NMBR: variants seen among roughly 807,000 people sequenced by gnomAD.
The protein encoded by NMBR is neuromedin B receptor, also known as neuromedin-B receptor.
NMBR carries 16 observed loss-of-function variants against 20.5 expected under a neutral mutation model. The observed-to-expected ratio is 0.78, with a 90% CI of 0.53 to 1.19. NMBR has a LOEUF of 1.19. Among genes scored for constraint, NMBR ranks in the 50% most tolerant of loss-of-function variants. The pLI is 0.00. For missense variants in NMBR, 582 were observed against 499.1 expected, an observed-to-expected ratio of 1.17 and a Z score of -1.58; for synonymous variants, 212 against 196.6, an observed-to-expected ratio of 1.08 and a Z score of -0.65.
chr6:142,097,317 T>C (rs1777474066), intron 1 of NMBR, among the ~76,000 whole-genome samples: 1 of 152,186 alleles, frequency 6.6e-6, no homozygotes, highest in Non-Finnish European at 1.5e-5. Flanking sequence ...GTACCAGTTG[T>C]TCCTTTCCAT....
In NMBR at chr6:142,076,845, G is replaced by A. The variant is rs992421995; in HGVS notation, c.772-796C>T. Among the ~76,000 whole-genome samples the A allele has an allele frequency of 2.0e-5, 3 of 152,122 alleles. No individual in the cohort carries two copies. The South Asian group carries it at 6.2e-4, about 32-fold the overall frequency. ...GACATGGAATACCAATTTATTGAAA[G>A]ACATTGGTAGTAGGTATCATAATAT... On this transcript the variant is annotated intron_variant, in intron 3 of 3. Coordinates refer to ENST00000258042, the MANE Select transcript of NMBR (RefSeq NM_002511.4).
chr6:142,081,113 T>G (rs1190776621), intron 2 of NMBR, among the ~76,000 whole-genome samples: 1 of 152,172 alleles, frequency 6.6e-6, no homozygotes, highest in African/African-American at 2.4e-5. Context: ...TAGATAGATC[T>G]TCTTGCTGTT....
At chr6:142,098,473 T>C (rs184381032) in intron 1 of NMBR, among the ~76,000 whole-genome samples, 39 of 152,250 alleles carry the variant, frequency 2.6e-4, no homozygotes, top group Non-Finnish European at 1.5e-4. Flanking sequence ...TAAGTAACCA[T>C]GGAGAGGTTG....
At position 142,080,087 on chromosome 6, in the gene NMBR, C is replaced by T. The variant is rs1172253436; in HGVS notation, c.423-1184G>A. On this transcript the variant is annotated intron_variant, in intron 2 of 3. Transcript: ENST00000258042. Reference sequence around the variant, plus strand: ...AGACAAATCTGAATTATTACCCCATCTCTGATATATTTTGGAAAATCACAT... The same window carrying T: ...AGACAAATCTGAATTATTACCCCATTTCTGATATATTTTGGAAAATCACAT... Among the ~76,000 whole-genome samples the T allele has an allele frequency of 2.6e-5, 4 of 152,110 alleles. 1 individual carries two copies. Among genetic ancestry groups the T allele is most frequent in the Admixed American group, 2.6e-4 (4 of 15,270 alleles).
chr6:142,141,385 T>C (rs1428302825), intron 1 of NMBR, among the ~76,000 whole-genome samples: 1 of 152,066 alleles, frequency 6.6e-6, no homozygotes, highest in Admixed American at 6.6e-5. Flanking sequence ...ATACAACTTA[T>C]CAAAGTAAGT....
intron 1 of NMBR, among the ~76,000 whole-genome samples, chr6:142,090,971 A>T (rs1777310124): frequency 6.6e-6 from 1 of 152,172 alleles, no homozygotes; most frequent in South Asian, 2.1e-4. Context: ...GGCATTGTAG[A>T]AACAAGCCAT....
chr6:142,094,500 A>G (rs545737499), intron 1 of NMBR, among the ~76,000 whole-genome samples: 1 of 152,166 alleles, frequency 6.6e-6, no homozygotes, highest in East Asian at 1.9e-4. Flanking sequence ...GTACTGTTCC[A>G]TTGGTCTAGA....
At chr6:142,083,831 G>C (rs1033222415) in intron 2 of NMBR, among the ~76,000 whole-genome samples, 2 of 152,120 alleles carry the variant, frequency 1.3e-5, no homozygotes, top group African/African-American at 4.8e-5. Flanking sequence ...TTCTTTATAA[G>C]TTACCAAATT....
intron 1 of NMBR, among the ~76,000 whole-genome samples, chr6:142,118,691 A>G (rs988044795): frequency 6.6e-6 from 1 of 152,086 alleles, no homozygotes; most frequent in Admixed American, 6.6e-5. Context: ...TTAAGACGAT[A>G]GAAGGTTGTG....
chr6:142,142,589 A>G (rs1778377075), intron 1 of NMBR, among the ~76,000 whole-genome samples: 1 of 152,140 alleles, frequency 6.6e-6, no homozygotes, highest in Non-Finnish European at 1.5e-5. Context: ...GTCTCAAAAC[A>G]GGCAAGGCTT....
rs753326156 is a variant in NMBR, at chr6:142,078,858, T to C, written c.468A>G (p.Ala156=). ...TGGCCTTCACACAGGTCCGCAGCAA[T>C]GCCCCTGACGTCTGCATGTCCATGG... is the stretch of plus-strand genomic sequence containing the variant. ...VNPMDMQTSG[A]LLRTCVKAMG... is the part of the protein sequence containing the mutation. Residue 156 remains alanine, a synonymous_variant, in exon 3 of 4, where the codon GCA becomes GCG. Transcript: ENST00000258042. 6.2e-7 allele frequency: 1 copy of C among 1,612,980 alleles called. No homozygotes were observed. The highest frequency in any genetic ancestry group is 8.5e-7 in the Non-Finnish European group (1 of 1,179,820).
At chr6:142,123,996 G>A (rs780406703) in intron 1 of NMBR, among the ~76,000 whole-genome samples, 2 of 151,856 alleles carry the variant, frequency 1.3e-5, no homozygotes, top group Non-Finnish European at 2.9e-5. Flanking sequence ...GAAATATAAT[G>A]AGAACGAAGA....
intron 1 of NMBR, among the ~76,000 whole-genome samples, chr6:142,115,064 ATTGT>A (rs1277248747): frequency 6.6e-6 from 1 of 152,096 alleles, no homozygotes; most frequent in African/African-American, 2.4e-5. Context: ...ACTCAGAGTG[ATTGT>A]TTGCTCACGA....
At chr6:142,088,109 C>G in intron 2 of NMBR, 128 bp downstream of exon 2, 1 of 832,564 alleles carries the variant, frequency 1.2e-6, no homozygotes, top group Non-Finnish European at 1.9e-6. Context: ...ACACTCTCTC[C>G]CTCTCTTCCT....
intron 1 of NMBR, among the ~76,000 whole-genome samples, chr6:142,145,636 G>A (rs1283887699): frequency 1.3e-5 from 2 of 152,200 alleles, no homozygotes; most frequent in Non-Finnish European, 2.9e-5. Flanking sequence ...TAGAGGCAAG[G>A]CAAAATAATT....
At chr6:142,126,901 G>T (rs1333102485) in intron 1 of NMBR, among the ~76,000 whole-genome samples, 1 of 151,132 alleles carries the variant, frequency 6.6e-6, no homozygotes, top group Non-Finnish European at 1.5e-5. Context: ...TTTTGGGGGG[G>T]TTTATTTAGT....
At chr6:142,128,818 A>G (rs1442170868) in intron 1 of NMBR, among the ~76,000 whole-genome samples, 5 of 151,434 alleles carry the variant, frequency 3.3e-5, no homozygotes, top group African/African-American at 1.2e-4. Context: ...GTTGCCCTGT[A>G]GTTTTCTTGT....
chr6:142,075,849 A>C lies in NMBR; in HGVS notation c.972T>G (p.Leu324=), dbSNP rs777967643. 6.2e-7 allele frequency: 1 copy of C among 1,614,080 alleles called. No individual in the cohort carries two copies. The highest frequency in any genetic ancestry group is 8.5e-7 in the Non-Finnish European group (1 of 1,179,966). ...FGNSCVNPFA[L]YLLSESFRRH... ...TCCTGAAGCTTTCACTGAGTAGGTA[A>C]AGAGCAAATGGGTTGACACAAGAAT... Residue 324 remains leucine (L), a synonymous_variant, in exon 4 of 4, where the codon CTT becomes CTG. Transcript: ENST00000258042.
At chr6:142,090,516 C>T (rs1453324567) in intron 1 of NMBR, among the ~76,000 whole-genome samples, 1 of 150,342 alleles carries the variant, frequency 6.7e-6, no homozygotes, top group African/African-American at 2.4e-5. Context: ...TAAAATAATT[C>T]ATTATAAAAT....
Sources: allele counts gnomAD v4.1 joint callset (sites outside exome capture counted in the v4.1 genomes callset), GRCh38; gene constraint gnomAD v4.1.1; transcripts MANE v1.5; gene names NCBI Gene and HGNC (gene_info 2026-07-23, HGNC 2026-07-21).